NEXMIF: variants seen among roughly 807,000 people sequenced by gnomAD.
NEXMIF encodes neurite extension and migration factor, also known as XLMR protein related to neurite extension.
In NEXMIF, 8 loss-of-function variants were observed where a neutral mutation model predicts 62.1. That is an observed-to-expected ratio of 0.13 (90% CI 0.08 to 0.23). NEXMIF has a LOEUF of 0.23. NEXMIF is among the 10% of genes least tolerant of loss of function. The pLI, the probability that NEXMIF is intolerant of heterozygous loss-of-function variation, is 1.00. For synonymous variants in NEXMIF, 404 were observed against 416.6 expected (o/e 0.97, Z 0.37); for missense variants, 976 against 1,113.3 (o/e 0.88, Z 1.75).
Position 74,741,016 on chromosome X carries a change from G to C in NEXMIF, c.3541C>G (p.Pro1181Ala). The C allele has an allele frequency of 1.7e-6, 2 of 1,211,197 alleles. No individual in the cohort carries two copies. Among genetic ancestry groups the C allele is most frequent in the Non-Finnish European group, 2.2e-6 (2 of 895,154 alleles). The change falls in exon 3 of 4, where the codon CCC (proline) becomes GCC (alanine). Residue 1181 changes from proline to alanine, a missense_variant. Transcript: ENST00000055682. Reference protein sequence around the residue: ...KVSKSRKKSSPSKSGAMNQSS... With the variant: ...KVSKSRKKSSASKSGAMNQSS... ...TGGTTCATAGCCCCACTCTTGCTGG[G>C]TGAACTTTTCTTTCTTGATTTTGAC... is the stretch of plus-strand genomic sequence containing the variant.
intron 1 of NEXMIF, among the ~76,000 whole-genome samples, chrX:74,820,918 G>C (rs1569349613): frequency 9.0e-6 from 1 of 111,105 alleles, no homozygotes; most frequent in Non-Finnish European, 1.9e-5. Context: ...CGAGTACTAT[G>C]TTCACTGCCT....
At chrX:74,906,054 G>T (rs2080767922) in intron 1 of NEXMIF, among the ~76,000 whole-genome samples, 2 of 109,707 alleles carry the variant, frequency 1.8e-5, no homozygotes, top group South Asian at 7.9e-4. Context: ...AGGATTGTTT[G>T]AGCCTAGGAG....
intron 1 of NEXMIF, among the ~76,000 whole-genome samples, chrX:74,877,750 A>G (rs1363173340): frequency 9.0e-6 from 1 of 111,314 alleles, no homozygotes; most frequent in Non-Finnish European, 1.9e-5. Flanking sequence ...TTCATCTTCC[A>G]TCACTGATAC....
intron 1 of NEXMIF, chrX:74,769,848 A>G: frequency 2.6e-6 from 1 of 380,553 alleles, no homozygotes; most frequent in Non-Finnish European, 4.6e-6. Flanking sequence ...GTCCTGATCA[A>G]GATACACTGT....
intron 1 of NEXMIF, among the ~76,000 whole-genome samples, chrX:74,821,880 G>C (rs752343454): frequency 1.6e-4 from 18 of 111,275 alleles, no homozygotes; most frequent in Non-Finnish European, 2.6e-4. Context: ...CTACCAAGTA[G>C]CTGGGACTAC....
At chrX:74,747,737 C>G (rs922743830) in intron 1 of NEXMIF, among the ~76,000 whole-genome samples, 1 of 109,655 alleles carries the variant, frequency 9.1e-6, no homozygotes, top group Non-Finnish European at 1.9e-5. Flanking sequence ...GTCTCAGCCT[C>G]CCAAGTAACT....
At chrX:74,767,108 C>G (rs11798966) in intron 1 of NEXMIF, among the ~76,000 whole-genome samples, 62,219 of 111,553 alleles carry the variant, frequency 0.56, 15,765 homozygotes, top group Non-Finnish European at 0.8. Context: ...GGCAACCTGC[C>G]CCTCCCACTG....
intron 1 of NEXMIF, among the ~76,000 whole-genome samples, chrX:74,879,718 T>C (rs778804755): frequency 3.6e-5 from 4 of 112,167 alleles, no homozygotes. Context: ...AATTGAACTA[T>C]TCACTTTTCA....
intron 1 of NEXMIF, among the ~76,000 whole-genome samples, chrX:74,923,746 G>C (rs1411747902): frequency 8.9e-6 from 1 of 111,958 alleles, no homozygotes; most frequent in East Asian, 2.8e-4. Flanking sequence ...AAGTGCTTTA[G>C]ACATTTTTAA....
At chrX:74,756,860 C>CA (rs201873901) in intron 1 of NEXMIF, among the ~76,000 whole-genome samples, 2,073 of 111,826 alleles carry the variant, frequency 0.019, 67 homozygotes, top group African/African-American at 0.064. Context: ...ACCCATTGCA[C>CA]ATGCAATTCC....
In NEXMIF at chrX:74,848,962, G is replaced by T. The variant is rs146981734; in HGVS notation, c.-48+75921C>A. ...CGAATCTACTGATTTCTTGATCTTG[G>T]ACTTGCCAGCCTCCAGAATTGTGAA... On this transcript the variant is annotated intron_variant, in intron 1 of 3. Coordinates refer to ENST00000055682, the MANE Select transcript of NEXMIF (RefSeq NM_001008537.3). 8.0e-3 allele frequency among the ~76,000 whole-genome samples: 892 copies of T among 112,052 alleles called. 11 individuals carry two copies. The highest frequency in any genetic ancestry group is 0.026 in the African/African-American group (804 of 30,874).
chrX:74,772,113 A>G (rs2080211990), intron 1 of NEXMIF, among the ~76,000 whole-genome samples: 1 of 112,105 alleles, frequency 8.9e-6, no homozygotes, highest in African/African-American at 3.2e-5. Context: ...GTTGATCTCT[A>G]AGACATTTTG....
chrX:74,834,878 C>T (rs933452849), intron 1 of NEXMIF, among the ~76,000 whole-genome samples: 3 of 111,710 alleles, frequency 2.7e-5, no homozygotes, highest in African/African-American at 6.5e-5. Context: ...TATTATCCCC[C>T]TGAATAAAAT....
chrX:74,916,372 C>T (rs1569368521), intron 1 of NEXMIF, among the ~76,000 whole-genome samples: 1 of 112,016 alleles, frequency 8.9e-6, no homozygotes, highest in Non-Finnish European at 1.9e-5. Flanking sequence ...TTGTCTCCTC[C>T]AAAACTCATT....
At chrX:74,769,698 A>T in intron 1 of NEXMIF, 1 of 710,596 alleles carries the variant, frequency 1.4e-6, no homozygotes, top group South Asian at 2.1e-5. Flanking sequence ...TTGTTCTTAA[A>T]TTATAGGAAT....
At position 74,743,037 on chromosome X, in the gene NEXMIF, C is replaced by T. The variant is rs778472603; in HGVS notation, c.1520G>A (p.Arg507Lys). Residue 507 changes from arginine (R) to lysine (K), a missense_variant, in exon 3 of 4, where the codon AGG becomes AAG. Around this residue, in one of 5 missense-constraint regions of NEXMIF, gnomAD observed 639 missense variants for 694.5 expected, o/e 0.92. Transcript: ENST00000055682. ...DSLEGEKVNE[R>K]KEWLPVGSKE... ...GGAACCAACTGGCAGCCATTCCTTC[C>T]TCTCATTTACTTTTTCACCCTCTAG... The T allele has an allele frequency of 9.9e-6, 12 of 1,210,592 alleles. No individual in the cohort carries two copies. Among genetic ancestry groups the T allele is most frequent in the Non-Finnish European group, 1.3e-5 (12 of 894,917 alleles).
At chrX:74,798,042 C>A (rs2080317772) in intron 1 of NEXMIF, among the ~76,000 whole-genome samples, 1 of 112,180 alleles carries the variant, frequency 8.9e-6, no homozygotes, top group Non-Finnish European at 1.9e-5. Context: ...AATGTTACTT[C>A]TTGTCAAGCC....
chrX:74,893,840 C>T (rs891235162), intron 1 of NEXMIF, among the ~76,000 whole-genome samples: 4 of 112,136 alleles, frequency 3.6e-5, no homozygotes, highest in Admixed American at 2.8e-4. Flanking sequence ...CTGGCTTTCC[C>T]ATTAACTGAG....
In NEXMIF at chrX:74,741,629, A is replaced by G; in HGVS notation, c.2928T>C (p.Phe976=). The G allele has an allele frequency of 3.3e-6, 4 of 1,211,688 alleles. No homozygotes were observed. The highest frequency in any genetic ancestry group is 4.5e-6 in the Non-Finnish European group (4 of 895,259). ...LCHFNNGEIC[F]PFQQGPVNMD... is the part of the protein sequence containing the mutation. The stretch of plus-strand genomic sequence containing the variant: ...TATTGACTGGCCCCTGCTGGAAAGG[A>G]AAGCAGATCTCTCCATTATTAAAGT... The change falls in exon 3 of 4, where the codon TTT becomes TTC. Residue 976 remains phenylalanine (F), a synonymous_variant. Transcript: ENST00000055682.
Sources: allele counts gnomAD v4.1 joint callset (sites outside exome capture counted in the v4.1 genomes callset), GRCh38; gene constraint gnomAD v4.1.1; regional missense constraint gnomAD v4.1.1; transcripts MANE v1.5; gene names NCBI Gene and HGNC (gene_info 2026-07-23, HGNC 2026-07-21).